The following EYS variants were observed in gnomAD, a reference collection of about 807,000 sequenced individuals.
EYS encodes the protein EGF-like photoreceptor maintenance factor, also known as protein eyes shut homolog.
In EYS, 250 loss-of-function variants were observed where a neutral mutation model predicts 282.1. That is an observed-to-expected ratio of 0.89 (90% CI 0.80 to 0.98). EYS has a LOEUF of 0.98. Ranked by LOEUF, EYS falls within the 50% of genes least tolerant of loss-of-function variation. EYS has a pLI of 0.00. For missense variants in EYS, 4,016 were observed against 3,709.0 expected (o/e 1.08, Z -2.15); for synonymous variants, 1,355 against 1,282.9 (o/e 1.06, Z -1.20).
At position 64,590,464 on chromosome 6, in the gene EYS, T is replaced by C. The variant is rs766574830; in HGVS notation, c.5403A>G (p.Ala1801=). The change falls in exon 26 of 43, where the codon GCA becomes GCG. Residue 1801 remains alanine (A), a synonymous_variant. Coordinates refer to ENST00000503581, the MANE Select transcript of EYS (RefSeq NM_001142800.2). ...TGGAGGAAGACGTCTGTATTGAAAGTGCTGGAGTTGCTGAAACTGTATAAA... is the reference window on the plus strand; with the variant it reads ...TGGAGGAAGACGTCTGTATTGAAAGCGCTGGAGTTGCTGAAACTGTATAAA... ...VAFYTVSATP[A]LSIQTSSSMS... 4.5e-6 allele frequency: 7 copies of C among 1,551,430 alleles called. No individual in the cohort carries two copies. The South Asian group carries it at 7.1e-5, about 16-fold the overall frequency.
intron 12 of EYS, among the ~76,000 whole-genome samples, chr6:65,254,996 C>T (rs1294796543): frequency 1.3e-5 from 2 of 151,890 alleles, no homozygotes; most frequent in African/African-American, 4.8e-5. Flanking sequence ...ATACAAATAC[C>T]AGTGATATTT....
At chr6:64,244,236 C>A (rs1330930795) in intron 30 of EYS, among the ~76,000 whole-genome samples, 1 of 152,142 alleles carries the variant, frequency 6.6e-6, no homozygotes. Flanking sequence ...CATCTGTCAA[C>A]TTATAGGAGA....
At chr6:64,021,159 A>G (rs2149819353) in intron 33 of EYS, among the ~76,000 whole-genome samples, 1 of 139,956 alleles carries the variant, frequency 7.1e-6, no homozygotes, top group African/African-American at 3.1e-5. Flanking sequence ...TTTCAAGGGA[A>G]AAAAAAAAAG....
At chr6:63,829,240 T>G (rs981015784) in intron 36 of EYS, among the ~76,000 whole-genome samples, 3 of 152,082 alleles carry the variant, frequency 2.0e-5, no homozygotes, top group African/African-American at 7.2e-5. Context: ...AGATAGTGAG[T>G]GCAGCCTATG....
chr6:65,142,227 ATATTT>A (rs1764363814), intron 12 of EYS, among the ~76,000 whole-genome samples: 1 of 152,060 alleles, frequency 6.6e-6, no homozygotes, highest in African/African-American at 2.4e-5. Flanking sequence ...ACAATCTAAT[ATATTT>A]TATTTCTCTT....
chr6:63,726,458 A>C (rs1229525293), intron 42 of EYS, 61 bp downstream of exon 42: 2 of 1,403,158 alleles, frequency 1.4e-6, no homozygotes, highest in Admixed American at 4.9e-5. Context: ...AAACACTATC[A>C]TACATTACTT....
chr6:65,456,834 T>G (rs1368212867), intron 5 of EYS, among the ~76,000 whole-genome samples: 4 of 152,108 alleles, frequency 2.6e-5, no homozygotes, highest in Admixed American at 1.3e-4. Flanking sequence ...GAGAAAGTAA[T>G]AAAATGTACC....
intron 31 of EYS, among the ~76,000 whole-genome samples, chr6:64,168,132 A>C (rs1425702053): frequency 6.6e-6 from 1 of 152,096 alleles, no homozygotes; most frequent in Non-Finnish European, 1.5e-5. Context: ...CGTGGTGCGG[A>C]GGCCTGTAGT....
chr6:64,397,122 T>C (rs1379569441), intron 28 of EYS, among the ~76,000 whole-genome samples: 3 of 152,144 alleles, frequency 2.0e-5, no homozygotes, highest in Non-Finnish European at 4.4e-5. Context: ...TCTTTCTCTC[T>C]TATGTGTAAT....
At chr6:64,025,641 G>C (rs556086406) in intron 33 of EYS, among the ~76,000 whole-genome samples, 1 of 152,126 alleles carries the variant, frequency 6.6e-6, no homozygotes, top group South Asian at 2.1e-4. Flanking sequence ...CCAAAGCTCC[G>C]TCATAGTGGG....
Position 64,802,017 on chromosome 6 carries a change from C to CTTTT in EYS, c.3443+11357_3443+11360dup, listed in dbSNP as rs1157712956. Among the ~76,000 whole-genome samples, 164 of 57,600 alleles carry CTTTT rather than the reference C, an allele frequency of 2.8e-3. 18 individuals are homozygous for CTTTT. Among genetic ancestry groups the CTTTT allele is most frequent in the Non-Finnish European group, 4.6e-3 (126 of 27,558 alleles). 37.8% of individuals were successfully genotyped at this position (57,600 alleles called of 152,430 possible). ...GTTATAAGAGAGTTATAACAAATTT[C>CTTTT]TTTTTCTTTTTTTTTCTTTTTTTTT... On this transcript the variant is annotated intron_variant, in intron 22 of 42. Transcript: ENST00000503581.
chr6:65,364,406 T>C (rs1453323321), intron 8 of EYS, among the ~76,000 whole-genome samples: 1 of 151,426 alleles, frequency 6.6e-6, no homozygotes, highest in Non-Finnish European at 1.5e-5. Context: ...ACAAAATGAA[T>C]AAAACTTTAA....
At chr6:65,635,862 C>T (rs1767068234) in intron 2 of EYS, among the ~76,000 whole-genome samples, 1 of 152,126 alleles carries the variant, frequency 6.6e-6, no homozygotes, top group Non-Finnish European at 1.5e-5. Context: ...TAGCTGTGCC[C>T]TCCTACAATT....
intron 36 of EYS, among the ~76,000 whole-genome samples, chr6:63,847,410 T>C (rs988854811): frequency 2.0e-5 from 3 of 152,160 alleles, no homozygotes; most frequent in Non-Finnish European, 4.4e-5. Flanking sequence ...TCTCCCTTTT[T>C]CTCTTTTCTC....
At chr6:64,828,428 G>A (rs1765122916) in intron 19 of EYS, among the ~76,000 whole-genome samples, 1 of 151,886 alleles carries the variant, frequency 6.6e-6, no homozygotes, top group Non-Finnish European at 1.5e-5. Flanking sequence ...GCTGTTTGGA[G>A]CATATATCTT....
At chr6:63,876,912 C>T (rs557628404) in intron 35 of EYS, among the ~76,000 whole-genome samples, 493 of 152,230 alleles carry the variant, frequency 3.2e-3, no homozygotes, top group Middle Eastern at 0.017. Context: ...TGGGTCTTGA[C>T]TCTTTATCCA....
At chr6:64,720,209 TC>T (rs1771530832) in intron 22 of EYS, among the ~76,000 whole-genome samples, 1 of 152,160 alleles carries the variant, frequency 6.6e-6, no homozygotes, top group African/African-American at 2.4e-5. Flanking sequence ...CCTTCCTCCC[TC>T]TTCAAAGCCA....
chr6:65,137,085 T>G (rs1327816697), intron 12 of EYS, among the ~76,000 whole-genome samples: 2 of 152,076 alleles, frequency 1.3e-5, no homozygotes, highest in Non-Finnish European at 2.9e-5. Context: ...ATCAAATGTC[T>G]TCTGACCTCT....
intron 22 of EYS, among the ~76,000 whole-genome samples, chr6:64,673,709 A>T (rs1769548356): frequency 6.6e-6 from 1 of 152,068 alleles, no homozygotes; most frequent in Admixed American, 6.5e-5. Context: ...CAGAAGAGAC[A>T]ATCTTTATCT....
Sources: gnomAD v4.1 joint callset for allele counts (sites outside exome capture counted in the v4.1 genomes callset) on GRCh38, gnomAD v4.1.1 for gene constraint, MANE v1.5 for transcripts, NCBI Gene and HGNC (gene_info 2026-07-23, HGNC 2026-07-21) for gene names.